EPG5: variants seen among roughly 807,000 people sequenced by gnomAD.
The protein encoded by EPG5 is ectopic P-granules 5 autophagy tethering factor, also known as ectopic P granules protein 5 homolog.
A neutral mutation model predicts 302.7 loss-of-function variants in EPG5; 159 were observed. The observed-to-expected ratio is 0.53, with a 90% confidence interval of 0.46 to 0.60. The LOEUF is 0.60. Ranked by LOEUF, EPG5 falls within the 20% of genes least tolerant of loss-of-function variation. EPG5 has a pLI of 0.00. For missense variants in EPG5, 2,896 were observed against 3,092.4 expected, an observed-to-expected ratio of 0.94 and a Z score of 1.51; for synonymous variants, 1,158 against 1,136.8, an observed-to-expected ratio of 1.02 and a Z score of -0.37.
chr18:45,868,635 C>T (rs2145288683), intron 36 of EPG5, among the ~76,000 whole-genome samples: 1 of 151,836 alleles, frequency 6.6e-6, no homozygotes, highest in Non-Finnish European at 1.5e-5. Context: ...TCCCAAAGTG[C>T]TGGGATTACA....
At chr18:45,927,510 T>C (rs2050299358) in intron 13 of EPG5, among the ~76,000 whole-genome samples, 1 of 150,538 alleles carries the variant, frequency 6.6e-6, no homozygotes, top group Non-Finnish European at 1.5e-5. Context: ...ACATCCGCAT[T>C]CACAGAAACA....
At chr18:45,859,324 T>A (rs1434736063) in intron 40 of EPG5, among the ~76,000 whole-genome samples, 1 of 152,180 alleles carries the variant, frequency 6.6e-6, no homozygotes, top group Non-Finnish European at 1.5e-5. Flanking sequence ...TTCTCCACTC[T>A]TTGGGGGAGC....
chr18:45,939,539 G>A (rs138404190), intron 10 of EPG5, 61 bp downstream of exon 10: 144 of 1,505,910 alleles, frequency 9.6e-5, no homozygotes, highest in Middle Eastern at 2.0e-4. Flanking sequence ...GGCTTTCACC[G>A]AATGGTTCTT....
intron 39 of EPG5, among the ~76,000 whole-genome samples, chr18:45,862,187 T>A (rs915849898): frequency 2.6e-5 from 4 of 152,174 alleles, no homozygotes; most frequent in African/African-American, 9.7e-5. Flanking sequence ...TTTCTATTAT[T>A]ATTGTCTTAT....
intron 17 of EPG5, among the ~76,000 whole-genome samples, chr18:45,917,350 C>T (rs1258881797): frequency 2.0e-5 from 3 of 152,218 alleles, no homozygotes; most frequent in African/African-American, 7.2e-5. Flanking sequence ...GTTACAATGG[C>T]AAACCATTTG....
At chr18:45,825,754 C>T in the EPG5 span, 1 of 1,614,238 alleles carries the variant, frequency 6.2e-7, no homozygotes. Context: ...TGGCTGCTGG[C>T]CTGCTTGGCG....
At chr18:45,921,321 G>C (rs1293223366) in intron 16 of EPG5, among the ~76,000 whole-genome samples, 2 of 152,166 alleles carry the variant, frequency 1.3e-5, no homozygotes, top group East Asian at 3.8e-4. Context: ...GTTACAGTGA[G>C]TCTAAAACAT....
In EPG5 at chr18:45,926,050, A is replaced by G. The variant is rs889847027; in HGVS notation, c.2554-148T>C. 8.8e-6 allele frequency: 4 copies of G among 454,138 alleles called. No homozygotes were observed. In the East Asian group the frequency reaches 1.4e-4, roughly 16 times the overall value. 28.1% of individuals were successfully genotyped at this position (454,138 alleles called of 1,614,324 possible). ...TAATTTTTAGACAAGTGAAATGGAA[A>G]TCACGGACAACCAAATCAAGTGGGT... On this transcript the variant is annotated intron_variant, in intron 13 of 43. Coordinates refer to ENST00000282041, the MANE Select transcript of EPG5 (RefSeq NM_020964.3).
chr18:45,919,297 G>C (rs1235916071), intron 16 of EPG5, among the ~76,000 whole-genome samples: 1 of 152,108 alleles, frequency 6.6e-6, no homozygotes, highest in African/African-American at 2.4e-5. Flanking sequence ...AGCCCTGAGA[G>C]GAAATGCTCA....
the EPG5 span, chr18:45,839,245 C>A: frequency 1.7e-6 from 2 of 1,161,644 alleles, no homozygotes; most frequent in South Asian, 4.8e-5. Context: ...TTGCATGAAG[C>A]CCAGCAGGTG....
chr18:45,838,461 C>G, the EPG5 span: 3 of 541,560 alleles, frequency 5.5e-6, no homozygotes, highest in Non-Finnish European at 9.4e-6. Flanking sequence ...CAAGCACCCA[C>G]AAGCATGAAT....
intron 16 of EPG5, 141 bp downstream of exon 16, chr18:45,922,200 G>C (rs2050169696): frequency 9.8e-7 from 1 of 1,018,098 alleles, no homozygotes; most frequent in Non-Finnish European, 1.4e-6. Context: ...CCCTTGATAA[G>C]CTGTTAATCA....
the EPG5 span, chr18:45,828,985 A>G: frequency 1.8e-6 from 1 of 543,702 alleles, no homozygotes; most frequent in Non-Finnish European, 2.3e-6. Flanking sequence ...TGTTGTGAGC[A>G]GTTTGCTTGA....
At chr18:45,934,174 A>G (rs924215107) in intron 11 of EPG5, among the ~76,000 whole-genome samples, 1 of 152,148 alleles carries the variant, frequency 6.6e-6, no homozygotes, top group Non-Finnish European at 1.5e-5. Context: ...CTGTAAGCCC[A>G]GCTACTCAGG....
intron 6 of EPG5, among the ~76,000 whole-genome samples, chr18:45,947,778 T>TC (rs1599635670): frequency 6.6e-6 from 1 of 152,138 alleles, no homozygotes; most frequent in East Asian, 1.9e-4. Flanking sequence ...ATCCATTCTT[T>TC]TTTTTTTTCT....
At chr18:45,880,778 G>A (rs1211470585) in intron 31 of EPG5, among the ~76,000 whole-genome samples, 1 of 152,132 alleles carries the variant, frequency 6.6e-6, no homozygotes, top group African/African-American at 2.4e-5. Flanking sequence ...CACAGGACAG[G>A]AATAATATCT....
chr18:45,853,010 C>T (rs1376774989), intron 43 of EPG5, among the ~76,000 whole-genome samples: 1 of 152,226 alleles, frequency 6.6e-6, no homozygotes, highest in African/African-American at 2.4e-5. Flanking sequence ...TCCTCGTTCT[C>T]CCCAGTCCCA....
At chr18:45,901,314 T>A in intron 25 of EPG5, 147 bp from the exon 26 acceptor site, 2 of 700,752 alleles carry the variant, frequency 2.9e-6, no homozygotes, top group Non-Finnish European at 4.6e-6. Flanking sequence ...GATCTTAAAT[T>A]ATTACCCTAG....
At chr18:45,890,060 T>A in intron 27 of EPG5, 120 bp from the exon 28 acceptor site, 1 of 724,378 alleles carries the variant, frequency 1.4e-6, no homozygotes, top group Non-Finnish European at 2.1e-6. Context: ...TCTCTTTATA[T>A]GACTGCCTTA....
Sources: allele counts gnomAD v4.1 joint callset (sites outside exome capture counted in the v4.1 genomes callset), GRCh38; gene constraint gnomAD v4.1.1; transcripts MANE v1.5; gene names NCBI Gene and HGNC (gene_info 2026-07-23, HGNC 2026-07-21).